IRS1: variants seen among roughly 807,000 people sequenced by gnomAD.
IRS1 encodes insulin receptor substrate 1.
IRS1 carries 34 observed loss-of-function variants against 65.6 expected under a neutral mutation model. That is an observed-to-expected ratio of 0.52 (90% confidence interval 0.39 to 0.69). The LOEUF is 0.69. Ranked by LOEUF, IRS1 falls within the 30% of genes least tolerant of loss-of-function variation. IRS1 has a pLI of 0.00. For synonymous variants in IRS1, 699 were observed against 683.5 expected, an observed-to-expected ratio of 1.02 and a Z score of -0.35; for missense variants, 1,641 against 1,720.2, an observed-to-expected ratio of 0.95 and a Z score of 0.81.
chr2:226,798,046 C>T lies in IRS1; in HGVS notation c.693G>A (p.Thr231=), dbSNP rs753203167. ...FFIEVGRSAV[T]GPGEFWMQVD... Reference sequence around the variant, plus strand: ...CCTGCATCCAGAACTCCCCGGGCCCCGTCACGGCAGAACGGCCCACCTCGA... The same window carrying T: ...CCTGCATCCAGAACTCCCCGGGCCCTGTCACGGCAGAACGGCCCACCTCGA... The change falls in exon 1 of 2, where the codon ACG becomes ACA. Residue 231 remains threonine (T), a synonymous_variant. Coordinates refer to ENST00000305123, the MANE Select transcript of IRS1 (RefSeq NM_005544.3). This position sits in a 1 kb window ranked among gnomAD's most constrained non-coding sequence, Gnocchi z 9.4. 2.5e-6 allele frequency: 4 copies of T among 1,614,108 alleles called. No individual in the cohort carries two copies. Among genetic ancestry groups the T allele is most frequent in the South Asian group, 1.1e-5 (1 of 91,082 alleles).
At chr2:226,737,362 T>G (rs1938348255) in intron 1 of IRS1, among the ~76,000 whole-genome samples, 1 of 152,126 alleles carries the variant, frequency 6.6e-6, no homozygotes, top group Non-Finnish European at 1.5e-5. Flanking sequence ...TTTGGGTTGG[T>G]TCCTTTTCAA....
chr2:226,787,135 C>T (rs751280575), intron 1 of IRS1, among the ~76,000 whole-genome samples: 6 of 152,170 alleles, frequency 3.9e-5, no homozygotes, highest in Non-Finnish European at 5.9e-5. Context: ...CATTTAACAG[C>T]TGGATGCCTC....
In IRS1 at chr2:226,795,230, G is replaced by A. The variant is rs1204927540; in HGVS notation, c.3509C>T (p.Ala1170Val). The change falls in exon 1 of 2, where the codon GCT becomes GTT. Residue 1170 changes from alanine to valine, a missense_variant. Transcript: ENST00000305123. Reference sequence around the variant, plus strand: ...GTTAAGACCATTCTCCAAACCCCCAGCAGCCCCACACAGTTTGGCTGGCTC... The same window carrying A: ...GTTAAGACCATTCTCCAAACCCCCAACAGCCCCACACAGTTTGGCTGGCTC... Reference protein sequence around the residue: ...PKEPAKLCGAAGGLENGLNYI... With the variant: ...PKEPAKLCGAVGGLENGLNYI... 3 of 1,614,048 alleles carry A rather than the reference G, an allele frequency of 1.9e-6. No individual in the cohort carries two copies. Among genetic ancestry groups the A allele is most frequent in the Non-Finnish European group, 2.5e-6 (3 of 1,180,012 alleles).
Position 226,734,925 on chromosome 2 carries a change from A to G in IRS1, c.*1347T>C, listed in dbSNP as rs1415088986. 1 of 152,188 alleles carries G rather than the reference A, an allele frequency of 6.6e-6. No homozygotes were observed. 9.4% of individuals were successfully genotyped at this position (152,188 alleles called of 1,614,324 possible). A position where few individuals can be genotyped will look rare whatever the true frequency, so the allele number is the denominator to read the frequency against. On this transcript the variant is annotated 3_prime_UTR_variant, in exon 2 of 2. Coordinates refer to ENST00000305123, the MANE Select transcript of IRS1 (RefSeq NM_005544.3). Reference sequence around the variant, plus strand: ...CGCTGTGTTTTGTTAACTAATCACTAATAGGCCAGCACCCACCAAGGCAAA... The same window carrying G: ...CGCTGTGTTTTGTTAACTAATCACTGATAGGCCAGCACCCACCAAGGCAAA...
chr2:226,798,456 T>C lies in IRS1; in HGVS notation c.283A>G (p.Ile95Val). 6.2e-7 allele frequency: 1 copy of C among 1,614,112 alleles called. No individual in the cohort carries two copies. The highest frequency in any genetic ancestry group is 8.5e-7 in the Non-Finnish European group (1 of 1,180,022). ...ALYTRDEHFAIAADSEAEQDS... is the reference protein window; with the variant it reads ...ALYTRDEHFAVAADSEAEQDS... ...TGCTCGGCCTCGCTGTCCGCCGCGATGGCAAAGTGCTCGTCCCGGGTGTAG... is the reference window on the plus strand; with the variant it reads ...TGCTCGGCCTCGCTGTCCGCCGCGACGGCAAAGTGCTCGTCCCGGGTGTAG... The change falls in exon 1 of 2, where the codon ATC becomes GTC. Residue 95 changes from isoleucine (I) to valine (V), a missense_variant. This residue lies in a region of IRS1 where 240 missense variants were observed against 229.6 expected (regional missense o/e 1.05). Transcript: ENST00000305123. This position sits in a 1 kb window ranked among gnomAD's most constrained non-coding sequence, Gnocchi z 9.4.
rs1305052962 is a variant in IRS1 at position 226,799,033 on chromosome 2, A to AGCC, written c.-298_-296dup. ...TCCTCCGAGAGCCAAGTCTCCTCTC[A>AGCC]GCCGCCGCCGCCACCAGGAAGGAGC... On this transcript the variant is annotated 5_prime_UTR_variant, in exon 1 of 2. Coordinates refer to ENST00000305123, the MANE Select transcript of IRS1 (RefSeq NM_005544.3). The surrounding 1 kb of genome is among the most constrained non-coding windows in gnomAD (Gnocchi z 6.1). 36 of 1,374,852 alleles carry AGCC rather than the reference A, an allele frequency of 2.6e-5. No homozygotes were observed. Among genetic ancestry groups the AGCC allele is most frequent in the Middle Eastern group, 2.8e-4 (1 of 3,628 alleles). 85.2% of individuals were successfully genotyped at this position (1,374,852 alleles called of 1,614,324 possible).
rs1391846139 is a variant in IRS1 at position 226,733,398 on chromosome 2, CATT to C, written c.*2871_*2873del. 1 of 152,200 alleles carries C rather than the reference CATT, an allele frequency of 6.6e-6. No individual in the cohort carries two copies. Among genetic ancestry groups the C allele is most frequent in the Non-Finnish European group, 1.5e-5 (1 of 68,038 alleles). The allele number at this position is 152,200 out of a possible 1,614,324, so 9.4% of individuals were successfully genotyped here. A position where few individuals can be genotyped will look rare whatever the true frequency, so the allele number is the denominator to read the frequency against. ...AAATGTAACATCAGTACTGATTTCT[CATT>C]ATTGACTCAGGTGGTTGATCATTAA... On this transcript the variant is annotated 3_prime_UTR_variant, in exon 2 of 2. Coordinates refer to ENST00000305123, the MANE Select transcript of IRS1 (RefSeq NM_005544.3).
At chr2:226,786,644 A>G (rs999475914) in intron 1 of IRS1, among the ~76,000 whole-genome samples, 1 of 151,244 alleles carries the variant, frequency 6.6e-6, no homozygotes, top group African/African-American at 2.4e-5. Context: ...ACCTTAAAAA[A>G]AAAAAAACAA....
At chr2:226,774,843 A>T (rs919036962) in intron 1 of IRS1, among the ~76,000 whole-genome samples, 1 of 152,258 alleles carries the variant, frequency 6.6e-6, no homozygotes, top group African/African-American at 2.4e-5. Context: ...CCTGATAAGA[A>T]TACATACTAT....
chr2:226,790,357 C>T (rs1056046316), intron 1 of IRS1, among the ~76,000 whole-genome samples: 1 of 151,306 alleles, frequency 6.6e-6, no homozygotes, highest in Non-Finnish European at 1.5e-5. Context: ...AGGTGGCATG[C>T]CCTTTGGATC....
Position 226,799,387 on chromosome 2 carries a change from T to A in IRS1, c.-649A>T, listed in dbSNP as rs190524120. ...CTGTTGCTGCTGCTGCTGCTGCTGC[T>A]GCTGCCGCCGCCCGCGGGCGCGTCC... On this transcript the variant is annotated 5_prime_UTR_variant, in exon 1 of 2. Transcript: ENST00000305123. This position sits in a 1 kb window ranked among gnomAD's most constrained non-coding sequence, Gnocchi z 6.1. The A allele has an allele frequency of 7.9e-7, 1 of 1,261,730 alleles. No individual in the cohort carries two copies. Among genetic ancestry groups the A allele is most frequent in the Non-Finnish European group, 1.0e-6 (1 of 970,436 alleles). 78.2% of individuals were successfully genotyped at this position (1,261,730 alleles called of 1,614,324 possible).
At chr2:226,766,163 A>ATATATCTTT (rs58592685) in intron 1 of IRS1, among the ~76,000 whole-genome samples, 1 of 4,600 alleles carries the variant, frequency 2.2e-4, no homozygotes, top group Non-Finnish European at 4.8e-4. Flanking sequence ...ATATATATAT[A>ATATATCTTT]TTTTTTTTTT....
chr2:226,775,967 T>C (rs1342193872), intron 1 of IRS1, among the ~76,000 whole-genome samples: 1 of 152,184 alleles, frequency 6.6e-6, no homozygotes, highest in Non-Finnish European at 1.5e-5. Context: ...TGATTTGTGC[T>C]TGGTGAAATC....
chr2:226,737,452 T>C (rs941915654), intron 1 of IRS1, among the ~76,000 whole-genome samples: 36 of 152,200 alleles, frequency 2.4e-4, no homozygotes, highest in African/African-American at 8.7e-4. Context: ...TCAAAACTTA[T>C]CTATAAATAT....
intron 1 of IRS1, among the ~76,000 whole-genome samples, chr2:226,755,418 C>T (rs1456642516): frequency 1.3e-5 from 2 of 152,164 alleles, no homozygotes; most frequent in Non-Finnish European, 2.9e-5. Context: ...TACATATAAA[C>T]AGAGCTAAGT....
chr2:226,752,341 C>T (rs1938701689), intron 1 of IRS1, among the ~76,000 whole-genome samples: 1 of 152,128 alleles, frequency 6.6e-6, no homozygotes, highest in Non-Finnish European at 1.5e-5. Flanking sequence ...CAAACTGGTC[C>T]CCAATTCCTA....
At chr2:226,765,786 C>T (rs1312788917) in intron 1 of IRS1, among the ~76,000 whole-genome samples, 1 of 152,008 alleles carries the variant, frequency 6.6e-6, no homozygotes, top group Non-Finnish European at 1.5e-5. Flanking sequence ...ATAACAGGAA[C>T]CAAACAGAAG....
rs112559454 is a variant in IRS1 at position 226,770,476 on chromosome 2, G to C, written c.*21+24513C>G. Among the ~76,000 whole-genome samples, 406 of 152,322 alleles carry C rather than the reference G, an allele frequency of 2.7e-3. 3 individuals carry two copies. Among genetic ancestry groups the C allele is most frequent in the African/African-American group, 8.9e-3 (370 of 41,570 alleles). On this transcript the variant is annotated intron_variant, in intron 1 of 1. Coordinates refer to ENST00000305123, the MANE Select transcript of IRS1 (RefSeq NM_005544.3). The stretch of plus-strand genomic sequence containing the variant: ...CCCTCTAGAACATAAGCTCAGAAGT[G>C]TGGAAACGAAGTCTTATTCCTAGCC...
chr2:226,744,672 T>A (rs1938501993), intron 1 of IRS1, among the ~76,000 whole-genome samples: 2 of 152,226 alleles, frequency 1.3e-5, no homozygotes, highest in Non-Finnish European at 2.9e-5. Context: ...AAGGGATCTA[T>A]GTTGCACATG....
Sources: allele counts gnomAD v4.1 joint callset (sites outside exome capture counted in the v4.1 genomes callset), GRCh38; gene constraint gnomAD v4.1.1; regional missense constraint gnomAD v4.1.1; non-coding constraint Gnocchi (gnomAD v3.1); transcripts MANE v1.5; gene names NCBI Gene and HGNC (gene_info 2026-07-23, HGNC 2026-07-21).